RNF220: variants seen among roughly 807,000 people sequenced by gnomAD.
RNF220 encodes the protein E3 ubiquitin-protein ligase RNF220.
In RNF220, 7 loss-of-function variants were observed where a neutral mutation model predicts 67.1. The ratio of observed to expected loss-of-function variants is 0.10; its 90% confidence interval spans 0.06 to 0.20. RNF220 has a LOEUF of 0.20. RNF220 is among the 10% of genes least tolerant of loss of function. RNF220 has a pLI of 1.00. For missense variants in RNF220, 565 were observed against 740.3 expected (o/e 0.76, Z 2.75); for synonymous variants, 270 against 283.2 (o/e 0.95, Z 0.47).
intron 2 of RNF220, among the ~76,000 whole-genome samples, chr1:44,572,335 T>C (rs1207992771): frequency 3.3e-5 from 5 of 152,224 alleles, no homozygotes; most frequent in Admixed American, 3.3e-4. Context: ...ACAGAGCAAG[T>C]GCTCTTGAAT....
At position 44,455,294 on chromosome 1, in the gene RNF220, C is replaced by A. The variant is rs553137247; in HGVS notation, c.625+42572C>A. On this transcript the variant is annotated intron_variant, in intron 2 of 14. Coordinates refer to ENST00000361799, the MANE Select transcript of RNF220 (RefSeq NM_018150.4). Reference sequence around the variant, plus strand: ...CAAGCACAAAATGCCAAGGAGGACACCTCAGTGACAGGATGGGAAAATGGA... The same window carrying A: ...CAAGCACAAAATGCCAAGGAGGACAACTCAGTGACAGGATGGGAAAATGGA... 3.3e-5 allele frequency among the ~76,000 whole-genome samples: 5 copies of A among 152,080 alleles called. No homozygotes were observed. In the East Asian group the frequency reaches 7.7e-4, roughly 23 times the overall value.
At chr1:44,447,047 G>A (rs186623157) in intron 2 of RNF220, among the ~76,000 whole-genome samples, 53 of 152,290 alleles carry the variant, frequency 3.5e-4, no homozygotes, top group African/African-American at 1.2e-3. Flanking sequence ...AATTATTATA[G>A]TGATAACCTT....
chr1:44,455,858 G>A (rs548350128), intron 2 of RNF220, among the ~76,000 whole-genome samples: 3 of 152,154 alleles, frequency 2.0e-5, no homozygotes, highest in African/African-American at 7.2e-5. Flanking sequence ...GCTCTAGCAC[G>A]TGCCATCTGT....
chr1:44,462,127 G>A (rs1653835575), intron 2 of RNF220, among the ~76,000 whole-genome samples: 1 of 151,648 alleles, frequency 6.6e-6, no homozygotes, highest in South Asian at 2.1e-4. Flanking sequence ...TAGAGATGTG[G>A]TATCACCATG....
At chr1:44,512,540 G>T (rs1012936610) in intron 2 of RNF220, among the ~76,000 whole-genome samples, 3 of 152,256 alleles carry the variant, frequency 2.0e-5, no homozygotes, top group Non-Finnish European at 4.4e-5. Flanking sequence ...GCTCCTCATG[G>T]TAATGATCCT....
intron 1 of RNF220, among the ~76,000 whole-genome samples, chr1:44,409,656 T>G (rs761588301): frequency 3.2e-4 from 48 of 152,358 alleles, no homozygotes; most frequent in Non-Finnish European, 5.4e-4. Context: ...TTACTTTCCC[T>G]TTGCCGGGTT....
intron 2 of RNF220, among the ~76,000 whole-genome samples, chr1:44,496,586 C>T (rs1305418506): frequency 1.3e-5 from 2 of 152,176 alleles, no homozygotes; most frequent in African/African-American, 2.4e-5. Context: ...CATGCCCCGG[C>T]GTAGGAAAGG....
chr1:44,497,751 CTGGTTCATTTACTAGCCACCT>C (rs1657470518), intron 2 of RNF220, among the ~76,000 whole-genome samples: 1 of 152,324 alleles, frequency 6.6e-6, no homozygotes, highest in African/African-American at 2.4e-5. Flanking sequence ...CCCCTCATCC[CTGGTTCATTTACTAGCCACCT>C]TATTGAGCAC....
chr1:44,579,506 G>A (rs1271573812), intron 2 of RNF220, among the ~76,000 whole-genome samples: 1 of 152,210 alleles, frequency 6.6e-6, no homozygotes, highest in African/African-American at 2.4e-5. Context: ...CATCACTGGG[G>A]CAAGCAGCCT....
chr1:44,649,539 G>A lies in RNF220; in HGVS notation c.1446-122G>A. 1.2e-6 allele frequency: 1 copy of A among 842,048 alleles called. No homozygotes were observed. Among genetic ancestry groups the A allele is most frequent in the South Asian group, 1.5e-5 (1 of 65,774 alleles). 52.2% of individuals were successfully genotyped at this position (842,048 alleles called of 1,614,324 possible). ...GCAGATTCAGGTTATCAGAGAAAGGGGGCAGGCAGGGATGCCTAGGGGACA... is the reference window on the plus strand; with the variant it reads ...GCAGATTCAGGTTATCAGAGAAAGGAGGCAGGCAGGGATGCCTAGGGGACA... On this transcript the variant is annotated intron_variant, in intron 12 of 14. Coordinates refer to ENST00000361799, the MANE Select transcript of RNF220 (RefSeq NM_018150.4). The surrounding 1 kb of genome is among the most constrained non-coding windows in gnomAD (Gnocchi z 5.9).
chr1:44,439,224 AT>A (rs1202966429), intron 2 of RNF220, among the ~76,000 whole-genome samples: 6 of 152,306 alleles, frequency 3.9e-5, no homozygotes, highest in African/African-American at 1.2e-4. Flanking sequence ...TATGATAAAT[AT>A]TTTTAATCTT....
intron 8 of RNF220, among the ~76,000 whole-genome samples, chr1:44,640,111 C>G (rs185282050): frequency 6.6e-6 from 1 of 152,366 alleles, no homozygotes; most frequent in East Asian, 1.9e-4. Flanking sequence ...TTTTATCTGG[C>G]TATTTCTTGA....
At chr1:44,479,864 G>A (rs1396554585) in intron 2 of RNF220, among the ~76,000 whole-genome samples, 1 of 152,158 alleles carries the variant, frequency 6.6e-6, no homozygotes, top group African/African-American at 2.4e-5. Context: ...ACAGCTAAAA[G>A]CAGCCAGCTC....
Position 44,412,412 on chromosome 1 carries a change from T to C in RNF220, c.315T>C (p.Asp105=), listed in dbSNP as rs1648055673. Residue 105 remains aspartate, a synonymous_variant, in exon 2 of 15, where the codon GAT becomes GAC. Coordinates refer to ENST00000361799, the MANE Select transcript of RNF220 (RefSeq NM_018150.4). The surrounding 1 kb of genome is among the most constrained non-coding windows in gnomAD (Gnocchi z 5.3). The part of the protein sequence containing the change: ...LHPQFAPPNL[D]CTPISMLNHS... ...CTCAATTTGCTCCCCCAAATCTAGA[T>C]TGCACCCCAATCAGTATGCTGAATC... is the stretch of plus-strand genomic sequence containing the variant. The C allele has an allele frequency of 5.0e-6, 8 of 1,613,354 alleles. No individual in the cohort carries two copies. Among genetic ancestry groups the C allele is most frequent in the Non-Finnish European group, 6.8e-6 (8 of 1,179,420 alleles).
intron 2 of RNF220, among the ~76,000 whole-genome samples, chr1:44,551,541 G>A (rs557816063): frequency 3.9e-5 from 6 of 152,256 alleles, no homozygotes; most frequent in South Asian, 4.1e-4. Context: ...TTAAAAAGCT[G>A]TTGATACGTA....
chr1:44,491,889 C>T (rs1399707905), intron 2 of RNF220, among the ~76,000 whole-genome samples: 1 of 152,196 alleles, frequency 6.6e-6, no homozygotes, highest in Non-Finnish European at 1.5e-5. Flanking sequence ...GGCTTGAACT[C>T]CTGGTCTCAA....
chr1:44,417,072 T>G lies in RNF220; in HGVS notation c.625+4350T>G, dbSNP rs1266196713. 6.6e-6 allele frequency among the ~76,000 whole-genome samples: 1 copy of G among 152,102 alleles called. No individual in the cohort carries two copies. Among genetic ancestry groups the G allele is most frequent in the Non-Finnish European group, 1.5e-5 (1 of 68,008 alleles). On this transcript the variant is annotated intron_variant, in intron 2 of 14. Transcript: ENST00000361799. The surrounding 1 kb of genome is among the most constrained non-coding windows in gnomAD (Gnocchi z 4.0). ...CTCTACACTGGGCTTTTAGGAGAGT[T>G]GTTCTTGCTAGGGAGAATGTTTGGG...
chr1:44,436,985 C>G (rs1043452648), intron 2 of RNF220, among the ~76,000 whole-genome samples: 1 of 152,162 alleles, frequency 6.6e-6, no homozygotes, highest in Non-Finnish European at 1.5e-5. Context: ...CTTATGTCCC[C>G]CAGTAAAAGG....
intron 2 of RNF220, among the ~76,000 whole-genome samples, chr1:44,472,219 C>G (rs1450941277): frequency 3.3e-5 from 5 of 152,076 alleles, no homozygotes; most frequent in Admixed American, 3.3e-4. Flanking sequence ...TTTCAGTTCT[C>G]TTGGGTATAT....
Sources: gnomAD v4.1 joint callset for allele counts (sites outside exome capture counted in the v4.1 genomes callset) on GRCh38, gnomAD v4.1.1 for gene constraint, Gnocchi (gnomAD v3.1) non-coding constraint, MANE v1.5 for transcripts, NCBI Gene and HGNC (gene_info 2026-07-23, HGNC 2026-07-21) for gene names.